CLSTN2: variants seen among roughly 807,000 people sequenced by gnomAD.
CLSTN2 encodes the protein calsyntenin 2.
Under a neutral mutation model 101.2 loss-of-function variants are expected in CLSTN2, and 48 were observed. The observed-to-expected ratio is 0.47, with a 90% confidence interval of 0.38 to 0.60. The LOEUF is 0.60. Among genes scored for constraint, CLSTN2 ranks in the 20% least tolerant of loss-of-function variants. The pLI is 0.00. For synonymous variants in CLSTN2, 481 were observed against 463.6 expected, an observed-to-expected ratio of 1.04 and a Z score of -0.48; for missense variants, 1,160 against 1,238.2, an observed-to-expected ratio of 0.94 and a Z score of 0.95.
chr3:140,316,936 A>AT (rs1259163836), intron 2 of CLSTN2, among the ~76,000 whole-genome samples: 4 of 152,212 alleles, frequency 2.6e-5, no homozygotes, highest in African/African-American at 9.7e-5. Flanking sequence ...AAAGCCTGCC[A>AT]TGAAATAATG....
chr3:140,379,954 T>C (rs2087961342), intron 2 of CLSTN2, among the ~76,000 whole-genome samples: 1 of 152,140 alleles, frequency 6.6e-6, no homozygotes, highest in African/African-American at 2.4e-5. Flanking sequence ...TTTTTTGCCT[T>C]TTTATATTTA....
chr3:140,076,339 C>G (rs915587679), intron 1 of CLSTN2, among the ~76,000 whole-genome samples: 1 of 152,186 alleles, frequency 6.6e-6, no homozygotes, highest in Admixed American at 6.5e-5. Context: ...TCCTCACCTG[C>G]TTTGTGCTCA....
intron 2 of CLSTN2, among the ~76,000 whole-genome samples, chr3:140,255,229 G>C (rs1279602140): frequency 1.3e-5 from 2 of 152,204 alleles, no homozygotes; most frequent in Non-Finnish European, 2.9e-5. Flanking sequence ...AGCCATCGTG[G>C]AAAGCAGTTT....
chr3:140,214,978 G>A (rs1317775369), intron 2 of CLSTN2, among the ~76,000 whole-genome samples: 1 of 152,120 alleles, frequency 6.6e-6, no homozygotes, highest in Non-Finnish European at 1.5e-5. Context: ...TAACACTTAT[G>A]GATTCTGCAT....
At chr3:140,086,993 G>A (rs1205426018) in intron 1 of CLSTN2, among the ~76,000 whole-genome samples, 1 of 150,632 alleles carries the variant, frequency 6.6e-6, no homozygotes, top group Non-Finnish European at 1.5e-5. Flanking sequence ...TTAAATATCT[G>A]CCTGAGATTT....
chr3:140,200,989 T>C (rs2010711307), intron 2 of CLSTN2, among the ~76,000 whole-genome samples: 2 of 152,206 alleles, frequency 1.3e-5, no homozygotes, highest in South Asian at 2.1e-4. Context: ...CAAAGGGGCA[T>C]CTTGAAGTCA....
chr3:140,495,586 A>G (rs865922954), intron 8 of CLSTN2, among the ~76,000 whole-genome samples: 13 of 152,144 alleles, frequency 8.5e-5, no homozygotes, highest in South Asian at 2.1e-4. Context: ...TAGAGTTTTC[A>G]TAGTTTTGGG....
At position 140,329,682 on chromosome 3, in the gene CLSTN2, G is replaced by T. The variant is rs187103156; in HGVS notation, c.233-73947G>T. ...ATAAGCACTTTAGGTCTATTTATGG[G>T]GTAAAGATCCAAGCTCTGATCAATG... is the stretch of plus-strand genomic sequence containing the variant. On this transcript the variant is annotated intron_variant, in intron 2 of 16. Transcript: ENST00000458420. 2.6e-5 allele frequency among the ~76,000 whole-genome samples: 4 copies of T among 152,132 alleles called. No homozygotes were observed. In the East Asian group the frequency reaches 7.7e-4, roughly 29 times the overall value.
chr3:139,946,586 T>C (rs1208690965), intron 1 of CLSTN2, among the ~76,000 whole-genome samples: 1 of 152,164 alleles, frequency 6.6e-6, no homozygotes, highest in African/African-American at 2.4e-5. Context: ...GAGGTAGGGA[T>C]GGGCATCAAT....
intron 2 of CLSTN2, among the ~76,000 whole-genome samples, chr3:140,308,784 C>T (rs2087137591): frequency 6.6e-6 from 1 of 152,238 alleles, no homozygotes; most frequent in Non-Finnish European, 1.5e-5. Flanking sequence ...TATGCTAAGT[C>T]ATCCAGTATT....
At position 140,099,588 on chromosome 3, in the gene CLSTN2, G is replaced by A. The variant is rs1297317235; in HGVS notation, c.110-76363G>A. On this transcript the variant is annotated intron_variant, in intron 1 of 16. Transcript: ENST00000458420. ...GGATGTGGACCTATTTTGTCAGGGG[G>A]CCACTATTCAACTCACTACAACTTC... is the stretch of plus-strand genomic sequence containing the variant. Among the ~76,000 whole-genome samples, 8 of 152,196 alleles carry A rather than the reference G, an allele frequency of 5.3e-5. No individual in the cohort carries two copies. The South Asian group carries it at 1.5e-3, about 28-fold the overall frequency.
chr3:140,060,305 G>A (rs2008180102), intron 1 of CLSTN2, among the ~76,000 whole-genome samples: 2 of 152,182 alleles, frequency 1.3e-5, no homozygotes, highest in African/African-American at 4.8e-5. Flanking sequence ...CAGTAGGGAA[G>A]AAAGCTCATG....
Position 140,574,159 on chromosome 3 carries a change from G to C in CLSTN2, c.*7906G>C, listed in dbSNP as rs191096301. 1.3e-5 allele frequency: 2 copies of C among 152,118 alleles called. No homozygotes were observed. Among genetic ancestry groups the C allele is most frequent in the East Asian group, 3.9e-4 (2 of 5,184 alleles). 9.4% of individuals were successfully genotyped at this position (152,118 alleles called of 1,614,324 possible). ...TCACTTGACCTCAGTGAAGGGACTG[G>C]GTTTGAAGAATTAAGACCCCCCAGT... On this transcript the variant is annotated 3_prime_UTR_variant, in exon 17 of 17. Coordinates refer to ENST00000458420, the MANE Select transcript of CLSTN2 (RefSeq NM_022131.3).
intron 1 of CLSTN2, among the ~76,000 whole-genome samples, chr3:139,966,782 A>G (rs1436451236): frequency 3.9e-5 from 6 of 152,214 alleles, no homozygotes; most frequent in Admixed American, 3.9e-4. Flanking sequence ...GAAGGTGCTG[A>G]GTCAGGCCTA....
intron 1 of CLSTN2, among the ~76,000 whole-genome samples, chr3:140,161,585 C>A (rs2010047547): frequency 6.6e-6 from 1 of 152,130 alleles, no homozygotes. Context: ...AAGAACCAAT[C>A]TTGTCACTGC....
At chr3:140,190,400 C>G in intron 2 of CLSTN2, among the ~76,000 whole-genome samples, 1 of 138,280 alleles carries the variant, frequency 7.2e-6, no homozygotes, top group Non-Finnish European at 1.5e-5. Flanking sequence ...TTTCCTTTAC[C>G]TTACCAAAAG....
chr3:140,307,288 G>T (rs904510449), intron 2 of CLSTN2, among the ~76,000 whole-genome samples: 9 of 152,106 alleles, frequency 5.9e-5, no homozygotes, highest in Non-Finnish European at 1.0e-4. Context: ...CCCAAACCAT[G>T]TGGGACATTT....
At chr3:140,264,416 AT>A (rs2086678474) in intron 2 of CLSTN2, among the ~76,000 whole-genome samples, 4 of 137,712 alleles carry the variant, frequency 2.9e-5, no homozygotes, top group South Asian at 2.3e-4. Flanking sequence ...ATATATATAT[AT>A]ATATATATAT....
At chr3:140,505,832 T>C (rs1264821423) in intron 8 of CLSTN2, 1 of 152,204 alleles carries the variant, frequency 6.6e-6, no homozygotes, top group Non-Finnish European at 1.5e-5. Flanking sequence ...ATTAATTTTC[T>C]TCAACTACAT....
Sources: gnomAD v4.1 joint callset for allele counts (sites outside exome capture counted in the v4.1 genomes callset) on GRCh38, gnomAD v4.1.1 for gene constraint, MANE v1.5 for transcripts, NCBI Gene and HGNC (gene_info 2026-07-23, HGNC 2026-07-21) for gene names.